KIF3A: variants seen among roughly 807,000 people sequenced by gnomAD.
KIF3A encodes kinesin-like protein KIF3A.
Under a neutral mutation model 92.6 loss-of-function variants are expected in KIF3A, and 27 were observed. That is an observed-to-expected ratio of 0.29 (90% CI 0.21 to 0.40). The LOEUF (loss-of-function observed/expected upper bound fraction) is 0.40. KIF3A is among the 10% of genes least tolerant of loss of function. KIF3A has a pLI of 1.00. For synonymous variants in KIF3A, 250 were observed against 275.4 expected (o/e 0.91, Z 0.92); for missense variants, 581 against 872.6 (o/e 0.67, Z 4.21).
chr5:132,710,726 T>C (rs1051857183), intron 9 of KIF3A, among the ~76,000 whole-genome samples: 3 of 152,228 alleles, frequency 2.0e-5, no homozygotes, highest in Admixed American at 6.5e-5. Context: ...TACCCAGTAT[T>C]ATAGAGTCTT....
chr5:132,734,258 A>G lies in KIF3A; in HGVS notation c.227T>C (p.Val76Ala), dbSNP rs374530366. The G allele has an allele frequency of 6.2e-7, 1 of 1,613,998 alleles. No individual in the cohort carries two copies. The highest frequency in any genetic ancestry group is 8.5e-7 in the Non-Finnish European group (1 of 1,179,862). The change falls in exon 2 of 19, where the codon GTT becomes GCT. Residue 76 changes from valine to alanine, a missense_variant. Around this residue, in one of 5 missense-constraint regions of KIF3A, gnomAD observed 217 missense variants for 299.7 expected, o/e 0.72. Transcript: ENST00000403231. Reference sequence around the variant, plus strand: ...AATAGGTCTTGCAGTTAAGTTATAAACATCAAGTTGTTTACTCTCTGGTCC... The same window carrying G: ...AATAGGTCTTGCAGTTAAGTTATAAGCATCAAGTTGTTTACTCTCTGGTCC... Reference protein sequence around the residue: ...VFGPESKQLDVYNLTARPIID... With the variant: ...VFGPESKQLDAYNLTARPIID...
rs190336263 is a variant in KIF3A at position 132,730,372 on chromosome 5, G to A, written c.280+3833C>T. On this transcript the variant is annotated intron_variant, in intron 2 of 18. Coordinates refer to ENST00000403231, the MANE Select transcript of KIF3A (RefSeq NM_001300791.2). ...TCCCAGCTACCCAGGTGGCTGAGGCGAGAGAATCGCTGGAACCCGGGGAAG... is the reference window on the plus strand; with the variant it reads ...TCCCAGCTACCCAGGTGGCTGAGGCAAGAGAATCGCTGGAACCCGGGGAAG... 3.3e-4 allele frequency among the ~76,000 whole-genome samples: 50 copies of A among 151,976 alleles called. No individual in the cohort carries two copies. The East Asian group carries it at 8.7e-3, about 26-fold the overall frequency.
chr5:132,716,034 C>A (rs1753609042), intron 7 of KIF3A, 103 bp from the exon 8 acceptor site: 7 of 940,356 alleles, frequency 7.4e-6, no homozygotes, highest in Admixed American at 5.7e-5. Context: ...ACATATGCAC[C>A]CTTGGCCTTC....
chr5:132,702,276 T>G (rs906332772), intron 14 of KIF3A, 64 bp from the exon 15 acceptor site: 22 of 1,513,578 alleles, frequency 1.5e-5, no homozygotes, highest in Non-Finnish European at 2.0e-5. Context: ...CAGCACCATC[T>G]CACATAGGAT....
At chr5:132,711,642 T>C (rs1019381787) in intron 8 of KIF3A, among the ~76,000 whole-genome samples, 9 of 151,970 alleles carry the variant, frequency 5.9e-5, no homozygotes, top group Admixed American at 1.3e-4. Flanking sequence ...ATTTTAAATA[T>C]ATATATAAAT....
At chr5:132,732,909 C>CAA (rs76049866) in intron 2 of KIF3A, among the ~76,000 whole-genome samples, 3 of 109,248 alleles carry the variant, frequency 2.7e-5, no homozygotes, top group Non-Finnish European at 5.9e-5. Context: ...ACTCCGTCTC[C>CAA]AAAAAAAAAA....
intron 12 of KIF3A, 136 bp from the exon 13 acceptor site, chr5:132,703,201 C>T: frequency 2.6e-6 from 2 of 756,730 alleles, no homozygotes; most frequent in South Asian, 3.6e-5. Flanking sequence ...CCAAATTACA[C>T]CACTGTGTAG....
Position 132,700,746 on chromosome 5 carries a change from T to C in KIF3A, c.1885-46A>G, listed in dbSNP as rs545881252. 15 of 1,223,192 alleles carry C rather than the reference T, an allele frequency of 1.2e-5. No individual in the cohort carries two copies. The African/African-American group carries it at 1.8e-4, about 15-fold the overall frequency. The allele number at this position is 1,223,192 out of a possible 1,614,324, so 75.8% of individuals were successfully genotyped here. A position where few individuals can be genotyped will look rare whatever the true frequency, so the allele number is the denominator to read the frequency against. On this transcript the variant is annotated intron_variant, in intron 15 of 18. Coordinates refer to ENST00000403231, the MANE Select transcript of KIF3A (RefSeq NM_001300791.2). The stretch of plus-strand genomic sequence containing the variant: ...AGCCTATTTTTAATATTTAATAACA[T>C]CTAAAATATTGAAGTCATAAAACTA...
At chr5:132,721,793 A>T (rs574095777) in intron 4 of KIF3A, among the ~76,000 whole-genome samples, 8 of 152,080 alleles carry the variant, frequency 5.3e-5, no homozygotes, top group Non-Finnish European at 1.2e-4. Context: ...TAGAGGGTCC[A>T]TGGTGGCACT....
chr5:132,705,911 G>T (rs1753193818), intron 11 of KIF3A, among the ~76,000 whole-genome samples: 1 of 151,788 alleles, frequency 6.6e-6, no homozygotes, highest in African/African-American at 2.4e-5. Context: ...AAACAAAAAA[G>T]AAATCTATTT....
rs1256670620 is a variant in KIF3A, at chr5:132,734,279, G to A, written c.206C>T (p.Pro69Leu). ...ATAAACATCAAGTTGTTTACTCTCT[G>A]GTCCAAAAACAGTATCAAAAGTAAA... ...KTFTFDTVFG[P>L]ESKQLDVYNL... The change falls in exon 2 of 19, where the codon CCA becomes CTA. Residue 69 changes from proline (P) to leucine (L), a missense_variant. Pro to Leu is a moderately conservative substitution (Grantham distance 98, BLOSUM62 -3). Coordinates refer to ENST00000403231, the MANE Select transcript of KIF3A (RefSeq NM_001300791.2). The A allele has an allele frequency of 1.2e-6, 2 of 1,613,740 alleles. No homozygotes were observed. The highest frequency in any genetic ancestry group is 1.7e-6 in the Non-Finnish European group (2 of 1,179,658).
intron 4 of KIF3A, among the ~76,000 whole-genome samples, 160 bp downstream of exon 4, chr5:132,725,968 T>C (rs1754019375): frequency 6.6e-6 from 1 of 152,192 alleles, no homozygotes; most frequent in East Asian, 1.9e-4. Flanking sequence ...GCTTCAGTAA[T>C]TTATCCCCAG....
In KIF3A at chr5:132,737,520, T is replaced by C. The variant is rs1388399845; in HGVS notation, c.-101A>G. On this transcript the variant is annotated 5_prime_UTR_variant, in exon 1 of 19. Transcript: ENST00000403231. ...GGCCAGAGACTACCGAAACACCTCG[T>C]TGACGCTCTCGAGACTGCGGCTTCT... The C allele has an allele frequency of 1.4e-6, 2 of 1,392,380 alleles. No homozygotes were observed. The highest frequency in any genetic ancestry group is 1.3e-5 in the South Asian group (1 of 78,088). The allele number at this position is 1,392,380 out of a possible 1,614,324, so 86.3% of individuals were successfully genotyped here. A position where few individuals can be genotyped will look rare whatever the true frequency, so the allele number is the denominator to read the frequency against.
chr5:132,709,011 CAAAG>C, intron 9 of KIF3A, 33 bp from the exon 10 acceptor site: 8 of 1,483,204 alleles, frequency 5.4e-6, no homozygotes, highest in Non-Finnish European at 7.4e-6. Context: ...CAACAGGAAC[CAAAG>C]AAAGAGGAAA....
chr5:132,729,223 A>G (rs573933825), intron 2 of KIF3A, among the ~76,000 whole-genome samples: 30 of 152,310 alleles, frequency 2.0e-4, no homozygotes, highest in African/African-American at 7.2e-4. Context: ...AGAAATCACC[A>G]CTGAAGAACT....
chr5:132,713,636 G>C (rs1753507739), intron 8 of KIF3A, among the ~76,000 whole-genome samples: 1 of 151,516 alleles, frequency 6.6e-6, no homozygotes, highest in Admixed American at 6.6e-5. Flanking sequence ...CCCCAAAAAT[G>C]GTAAAACAAG....
chr5:132,720,972 T>C (rs946554036), intron 4 of KIF3A, among the ~76,000 whole-genome samples: 4 of 152,158 alleles, frequency 2.6e-5, no homozygotes, highest in African/African-American at 7.2e-5. Flanking sequence ...GTGAAGGAGA[T>C]AGGATAAAAT....
At chr5:132,689,765 G>T (rs979075432), downstream of KIF3A, 3 of 152,222 alleles carry the variant, frequency 2.0e-5, no homozygotes, top group African/African-American at 7.2e-5. Flanking sequence ...AGGGGGAAAA[G>T]GCAGCACGAT....
At chr5:132,731,873 G>A (rs556204686) in intron 2 of KIF3A, among the ~76,000 whole-genome samples, 2 of 152,118 alleles carry the variant, frequency 1.3e-5, no homozygotes, top group East Asian at 1.9e-4. Context: ...ACCATGCCTG[G>A]CTAATTTTTT....
Sources: gnomAD v4.1 joint callset for allele counts (sites outside exome capture counted in the v4.1 genomes callset) on GRCh38, gnomAD v4.1.1 for gene constraint, gnomAD v4.1.1 regional missense constraint, MANE v1.5 for transcripts, NCBI Gene and HGNC (gene_info 2026-07-23, HGNC 2026-07-21) for gene names.